Variants in NSD3 observed in about 807,000 individuals in gnomAD.
NSD3 encodes nuclear receptor binding SET domain protein 3, also known as histone-lysine N-methyltransferase NSD3.
In NSD3, 24 loss-of-function variants were observed where a neutral mutation model predicts 160.8. The observed-to-expected ratio is 0.15, with a 90% CI of 0.11 to 0.21. The LOEUF (loss-of-function observed/expected upper bound fraction) is 0.21. Ranked by LOEUF, NSD3 falls within the 10% of genes least tolerant of loss-of-function variation. The pLI, the probability that NSD3 is intolerant of heterozygous loss-of-function variation, is 1.00. For synonymous variants in NSD3, 520 were observed against 600.0 expected, an observed-to-expected ratio of 0.87 and a Z score of 1.95; for missense variants, 1,157 against 1,735.9, an observed-to-expected ratio of 0.67 and a Z score of 5.93.
In NSD3 at chr8:38,316,104, G is replaced by C; in HGVS notation, c.1856-62C>G. 6.3e-7 allele frequency: 1 copy of C among 1,582,214 alleles called. No individual in the cohort carries two copies. The highest frequency in any genetic ancestry group is 8.6e-7 in the Non-Finnish European group (1 of 1,165,016). ...ACTTAAGGTTTGTTTTAATTTTTTT[G>C]TGTGTGGGAGAATATTTTCTTTTCT... On this transcript the variant is annotated intron_variant, in intron 9 of 23. Coordinates refer to ENST00000317025, the MANE Select transcript of NSD3 (RefSeq NM_023034.2). This position sits in a 1 kb window ranked among gnomAD's most constrained non-coding sequence, Gnocchi z 4.5.
In NSD3 at chr8:38,288,816, C is replaced by G; in HGVS notation, c.3232-60G>C. The stretch of plus-strand genomic sequence containing the variant: ...CAGGTAAGTCATCTGGCAATGTGAA[C>G]AGGAACATCTAAAACATCCACGCTA... On this transcript the variant is annotated intron_variant, in intron 18 of 23. Transcript: ENST00000317025. The surrounding 1 kb of genome is among the most constrained non-coding windows in gnomAD (Gnocchi z 4.5). The G allele has an allele frequency of 1.9e-6, 3 of 1,582,702 alleles. No individual in the cohort carries two copies. The highest frequency in any genetic ancestry group is 1.2e-5 in the South Asian group (1 of 85,612).
intron 1 of NSD3, among the ~76,000 whole-genome samples, chr8:38,354,427 A>G (rs1296721723): frequency 2.0e-5 from 3 of 152,256 alleles, no homozygotes; most frequent in African/African-American, 7.2e-5. Flanking sequence ...TATTGTGGAG[A>G]CAACTAAAGA....
chr8:38,343,821 C>CT (rs1810444877), intron 2 of NSD3, among the ~76,000 whole-genome samples: 1 of 152,156 alleles, frequency 6.6e-6, no homozygotes, highest in South Asian at 2.1e-4. Flanking sequence ...AACCTGCTAC[C>CT]TTAGTGTTCA....
chr8:38,293,592 T>A (rs547540419), intron 16 of NSD3, among the ~76,000 whole-genome samples: 1 of 151,760 alleles, frequency 6.6e-6, no homozygotes, highest in Admixed American at 6.6e-5. Flanking sequence ...ACATAGCTCT[T>A]GCTAAAAAAA....
chr8:38,288,474 C>A lies in NSD3; in HGVS notation c.3501+13G>T, dbSNP rs1158025162. On this transcript the variant is annotated intron_variant, in intron 19 of 23. Transcript: ENST00000317025. The surrounding 1 kb of genome is among the most constrained non-coding windows in gnomAD (Gnocchi z 4.5). The stretch of plus-strand genomic sequence containing the variant: ...TCTGGTCTCTTCCACCCCCCACCAC[C>A]ATCCCATGCTACCTTCTTAATGCTC... 1.2e-6 allele frequency: 2 copies of A among 1,612,096 alleles called. No homozygotes were observed. The highest frequency in any genetic ancestry group is 1.7e-6 in the Non-Finnish European group (2 of 1,178,494).
intron 16 of NSD3, 114 bp downstream of exon 16, chr8:38,295,682 A>G: frequency 1.1e-6 from 1 of 926,992 alleles, no homozygotes; most frequent in South Asian, 2.4e-5. Flanking sequence ...TTTTTTTTTA[A>G]GGAAGTAGGT....
At chr8:38,357,009 C>T (rs2150388463) in intron 1 of NSD3, among the ~76,000 whole-genome samples, 1 of 147,296 alleles carries the variant, frequency 6.8e-6, no homozygotes, top group East Asian at 2.0e-4. Flanking sequence ...ATCCCAGCTA[C>T]TTGGGAAGGT....
rs533115134 is a variant in NSD3, at chr8:38,365,503, C to T, written c.-45+16296G>A. Among the ~76,000 whole-genome samples, 19 of 152,250 alleles carry T rather than the reference C, an allele frequency of 1.2e-4. No individual in the cohort carries two copies. The South Asian group carries it at 2.7e-3, about 22-fold the overall frequency. On this transcript the variant is annotated intron_variant, in intron 1 of 23. Coordinates refer to ENST00000317025, the MANE Select transcript of NSD3 (RefSeq NM_023034.2). ...ATTCTTTTCTTTGAAGACGGAGTCTCGCTCTGTCACCCAAGCTGGAGTACA... is the reference window on the plus strand; with the variant it reads ...ATTCTTTTCTTTGAAGACGGAGTCTTGCTCTGTCACCCAAGCTGGAGTACA...
intron 2 of NSD3, 34 bp downstream of exon 2, chr8:38,347,463 T>C (rs1585910451): frequency 2.0e-6 from 3 of 1,535,396 alleles, no homozygotes; most frequent in African/African-American, 2.8e-5. Context: ...ATGTGAAATA[T>C]AACAAAATTT....
rs1808685454 is a variant in NSD3 at position 38,279,549 on chromosome 8, T to C, written c.3751A>G (p.Ile1251Val). 1 of 1,613,914 alleles carries C rather than the reference T, an allele frequency of 6.2e-7. No homozygotes were observed. The highest frequency in any genetic ancestry group is 8.5e-7 in the Non-Finnish European group (1 of 1,179,846). ...VRVGLFALCD[I>V]PAGMELTFNY... The stretch of plus-strand genomic sequence containing the variant: ...CGAGTCACTTTTTTACCTGCAGGAA[T>C]ATCACAGAGAGCAAATAGTCCCACT... The change falls in exon 21 of 24, where the codon ATT becomes GTT. Residue 1251 changes from isoleucine (I) to valine (V), a missense_variant. Ile to Val is a conservative substitution (Grantham distance 29). This residue lies in a region of NSD3 where 222 missense variants were observed against 409.9 expected (regional missense o/e 0.54). Coordinates refer to ENST00000317025, the MANE Select transcript of NSD3 (RefSeq NM_023034.2).
Position 38,289,375 on chromosome 8 carries a change from C to A in NSD3, c.3231+18G>T, listed in dbSNP as rs1279070523. 1 of 1,591,922 alleles carries A rather than the reference C, an allele frequency of 6.3e-7. No individual in the cohort carries two copies. Among genetic ancestry groups the A allele is most frequent in the East Asian group, 2.2e-5 (1 of 44,742 alleles). On this transcript the variant is annotated intron_variant, in intron 18 of 23. Transcript: ENST00000317025. ...TCTTATTTTATTTGGCAATCCCAGG[C>A]CAGAGATAAAGACTTACTTTGATGT... is the stretch of plus-strand genomic sequence containing the variant.
At chr8:38,336,721 C>CT (rs1810225167) in intron 4 of NSD3, among the ~76,000 whole-genome samples, 1 of 152,048 alleles carries the variant, frequency 6.6e-6, no homozygotes, top group African/African-American at 2.4e-5. Flanking sequence ...AGATTAAGGT[C>CT]TTTAAAAAAA....
chr8:38,378,715 C>T (rs184763003), intron 1 of NSD3, among the ~76,000 whole-genome samples: 10 of 151,426 alleles, frequency 6.6e-5, no homozygotes, highest in Middle Eastern at 3.4e-3. Flanking sequence ...CCCAGCTACT[C>T]GGGAGGCTAA....
At position 38,321,707 on chromosome 8, in the gene NSD3, A is replaced by G. The variant is rs6994590; in HGVS notation, c.1709-535T>C. 3.4e-3 allele frequency among the ~76,000 whole-genome samples: 511 copies of G among 152,332 alleles called. 3 individuals carry two copies. The highest frequency in any genetic ancestry group is 0.012 in the African/African-American group (490 of 41,580). On this transcript the variant is annotated intron_variant, in intron 7 of 23. Transcript: ENST00000317025. The surrounding 1 kb of genome is among the most constrained non-coding windows in gnomAD (Gnocchi z 4.7). ...TATTAATAACAAAAGCAGGAAAAGCAGGGAAGGCAAAAAATGTGACCAAAA... is the reference window on the plus strand; with the variant it reads ...TATTAATAACAAAAGCAGGAAAAGCGGGGAAGGCAAAAAATGTGACCAAAA...
intron 1 of NSD3, among the ~76,000 whole-genome samples, chr8:38,360,127 C>T (rs1218984907): frequency 1.3e-5 from 2 of 151,994 alleles, no homozygotes; most frequent in East Asian, 3.9e-4. Flanking sequence ...TCCCAAGTAG[C>T]TGGGACTATG....
rs766963499 is a variant in NSD3, at chr8:38,338,646, TTAAA to T, written c.676-43_676-40del. ...TATAGGTAAGTAGAATAAAATGGCA[TTAAA>T]TAAACAAACAAACAAAAAACAGTGA... On this transcript the variant is annotated intron_variant, in intron 2 of 23. Transcript: ENST00000317025. 5 of 1,508,518 alleles carry T rather than the reference TTAAA, an allele frequency of 3.3e-6. No homozygotes were observed. In the East Asian group the frequency reaches 1.1e-4, roughly 34 times the overall value. 93.4% of individuals were successfully genotyped at this position (1,508,518 alleles called of 1,614,324 possible).
chr8:38,321,059 G>A lies in NSD3; in HGVS notation c.1809+13C>T, dbSNP rs371998773. The A allele has an allele frequency of 2.5e-6, 4 of 1,609,920 alleles. No individual in the cohort carries two copies. The African/African-American group carries it at 4.0e-5, about 16-fold the overall frequency. On this transcript the variant is annotated intron_variant, in intron 8 of 23. Coordinates refer to ENST00000317025, the MANE Select transcript of NSD3 (RefSeq NM_023034.2). The surrounding 1 kb of genome is among the most constrained non-coding windows in gnomAD (Gnocchi z 4.7). ...AATACAATGTTTTAACTCTCTACAT[G>A]TAGGAAGCCAACCTGCTCCTTTTTG...
intron 16 of NSD3, 25 bp from the exon 17 acceptor site, chr8:38,290,702 CAA>C (rs985559021): frequency 6.2e-7 from 1 of 1,609,090 alleles, no homozygotes; most frequent in African/African-American, 1.3e-5. Context: ...AATTTTAGAT[CAA>C]GAGGGCAAAA....
intron 1 of NSD3, among the ~76,000 whole-genome samples, chr8:38,377,600 C>T (rs963799680): frequency 2.0e-5 from 3 of 152,170 alleles, no homozygotes; most frequent in Non-Finnish European, 4.4e-5. Context: ...CCGCCCGCCT[C>T]AGCCTCCCTC....
Sources: allele counts gnomAD v4.1 joint callset (sites outside exome capture counted in the v4.1 genomes callset), GRCh38; gene constraint gnomAD v4.1.1; regional missense constraint gnomAD v4.1.1; non-coding constraint Gnocchi (gnomAD v3.1); transcripts MANE v1.5; gene names NCBI Gene and HGNC (gene_info 2026-07-23, HGNC 2026-07-21).